Variants in ABCB1 observed in about 807,000 individuals in gnomAD.
ABCB1 encodes ATP-dependent translocase ABCB1.
Under a neutral mutation model 142.0 loss-of-function variants are expected in ABCB1, and 69 were observed. The ratio of observed to expected loss-of-function variants is 0.49; its 90% CI spans 0.40 to 0.59. ABCB1 has a LOEUF of 0.59. Ranked by LOEUF, ABCB1 falls within the 20% of genes least tolerant of loss-of-function variation. ABCB1 has a pLI of 0.00. For synonymous variants in ABCB1, 532 were observed against 539.2 expected (o/e 0.99, Z 0.18); for missense variants, 1,326 against 1,554.7 (o/e 0.85, Z 2.47).
intron 1 of ABCB1, among the ~76,000 whole-genome samples, chr7:87,609,244 G>A (rs771120653): frequency 6.6e-6 from 1 of 152,118 alleles, no homozygotes; most frequent in African/African-American, 2.4e-5. Context: ...GAGCCAAGAC[G>A]GGATAGAGCA....
intron 1 of ABCB1, among the ~76,000 whole-genome samples, chr7:87,676,454 A>T (rs1028012108): frequency 2.0e-5 from 3 of 151,542 alleles, no homozygotes; most frequent in African/African-American, 4.8e-5. Flanking sequence ...TAATTCCATC[A>T]CTTTGGGAGG....
intron 4 of ABCB1, among the ~76,000 whole-genome samples, chr7:87,582,899 A>C (rs1464565724): frequency 6.6e-6 from 1 of 152,192 alleles, no homozygotes; most frequent in Admixed American, 6.5e-5. Context: ...AAATTAGCCC[A>C]GGGGTCATAG....
intron 1 of ABCB1, among the ~76,000 whole-genome samples, chr7:87,626,931 A>C (rs1820697543): frequency 1.3e-5 from 2 of 151,878 alleles, no homozygotes; most frequent in South Asian, 4.2e-4. Context: ...GCGTGCCACC[A>C]CACCCGGCTA....
At chr7:87,581,026 T>C (rs1191551982) in intron 4 of ABCB1, among the ~76,000 whole-genome samples, 1 of 151,906 alleles carries the variant, frequency 6.6e-6, no homozygotes, top group African/African-American at 2.4e-5. Context: ...TTGTTCAATT[T>C]GGTGTTCCTG....
intron 25 of ABCB1, among the ~76,000 whole-genome samples, chr7:87,512,509 T>C (rs1466715197): frequency 6.6e-6 from 1 of 152,234 alleles, no homozygotes; most frequent in Non-Finnish European, 1.5e-5. Flanking sequence ...TTCAGGTCAA[T>C]GTTTTTCAAC....
rs78965691 is a variant in ABCB1 at position 87,669,931 on chromosome 7, G to A, written c.-331+43230C>T. On this transcript the variant is annotated intron_variant, in intron 1 of 28. Coordinates refer to the ABCB1 transcript ENST00000265724. The stretch of plus-strand genomic sequence containing the variant: ...TTTCTTTCATTTTAACCTTGGAATA[G>A]CTGATGACATGTGTTTTGGGGGTGA... Among the ~76,000 whole-genome samples the A allele has an allele frequency of 2.4e-3, 369 of 152,248 alleles. 1 individual carries two copies. The highest frequency in any genetic ancestry group is 8.3e-3 in the African/African-American group (343 of 41,554).
At chr7:87,614,861 C>T (rs1437992712) in intron 1 of ABCB1, among the ~76,000 whole-genome samples, 3 of 151,338 alleles carry the variant, frequency 2.0e-5, no homozygotes, top group Non-Finnish European at 4.4e-5. Context: ...TGGGGGGGGC[C>T]GGGGAACGGA....
At chr7:87,634,806 G>A (rs1821600079) in intron 1 of ABCB1, among the ~76,000 whole-genome samples, 1 of 152,128 alleles carries the variant, frequency 6.6e-6, no homozygotes, top group Non-Finnish European at 1.5e-5. Context: ...TTGAGTTTGA[G>A]TTTGGATTCA....
At chr7:87,651,023 C>T in intron 1 of ABCB1, 2 of 725,796 alleles carry the variant, frequency 2.8e-6, no homozygotes, top group Non-Finnish European at 4.7e-6. Flanking sequence ...GTCTGTGTGA[C>T]TTAGATAGCC....
chr7:87,710,781 A>G, intron 1 of ABCB1: 1 of 523,432 alleles, frequency 1.9e-6, no homozygotes. Flanking sequence ...TTTTGTTACT[A>G]CTCAGATAAA....
intron 1 of ABCB1, among the ~76,000 whole-genome samples, chr7:87,684,943 A>G (rs371782242): frequency 1.3e-4 from 20 of 151,236 alleles, no homozygotes; most frequent in Non-Finnish European, 2.2e-4. Context: ...CTTACCTCAC[A>G]TTTAGCTCAA....
At chr7:87,647,650 C>G (rs1314035961) in intron 1 of ABCB1, among the ~76,000 whole-genome samples, 1 of 152,220 alleles carries the variant, frequency 6.6e-6, no homozygotes, top group East Asian at 1.9e-4. Flanking sequence ...CCTACAATAA[C>G]GTGGTTTCAA....
In ABCB1 at chr7:87,585,532, A is replaced by T. The variant is rs35810889; in HGVS notation, c.266T>A (p.Met89Lys). 1 of 1,613,706 alleles carries T rather than the reference A, an allele frequency of 6.2e-7. No individual in the cohort carries two copies. The highest frequency in any genetic ancestry group is 2.2e-5 in the East Asian group (1 of 44,890). Residue 89 changes from methionine (M) to lysine (K), a missense_variant, in exon 4 of 28, where the codon ATG becomes AAG. Met to Lys is a moderately conservative substitution (Grantham distance 95, BLOSUM62 -1). Coordinates refer to ENST00000622132, the MANE Select transcript of ABCB1 (RefSeq NM_001348946.2). ...CTTACTTCTATTAGTGATGTTTGACATCAGATCTTCTAAATTTCCTGCATT... is the reference window on the plus strand; with the variant it reads ...CTTACTTCTATTAGTGATGTTTGACTTCAGATCTTCTAAATTTCCTGCATT... ...FANAGNLEDL[M>K]SNITNRSDIN...
intron 8 of ABCB1, among the ~76,000 whole-genome samples, chr7:87,555,146 T>A (rs1441335627): frequency 7.2e-5 from 11 of 152,138 alleles, no homozygotes; most frequent in Non-Finnish European, 4.4e-5. Context: ...GCTATGGAGA[T>A]AAGCTAATGG....
chr7:87,641,451 A>G (rs1822443868), intron 1 of ABCB1, among the ~76,000 whole-genome samples: 1 of 152,188 alleles, frequency 6.6e-6, no homozygotes, highest in Admixed American at 6.5e-5. Context: ...AACAACCTAC[A>G]GTTTGCTCCT....
chr7:87,576,107 A>G (rs1818264408), intron 4 of ABCB1, among the ~76,000 whole-genome samples: 1 of 151,944 alleles, frequency 6.6e-6, no homozygotes, highest in Non-Finnish European at 1.5e-5. Context: ...TTATTTATTC[A>G]TCCAATTTCT....
chr7:87,544,778 C>G (rs574878254), intron 16 of ABCB1, 45 bp downstream of exon 16: 2 of 1,606,974 alleles, frequency 1.2e-6, no homozygotes, highest in African/African-American at 2.7e-5. Flanking sequence ...AACTAGGGAA[C>G]CACAGTTAGT....
chr7:87,632,050 T>C (rs28381764), intron 1 of ABCB1, among the ~76,000 whole-genome samples: 2 of 152,272 alleles, frequency 1.3e-5, no homozygotes, highest in East Asian at 3.9e-4. Flanking sequence ...TATTTTGGAC[T>C]GTGCCTTTGA....
chr7:87,520,920 A>T, intron 21 of ABCB1, 44 bp from the exon 22 acceptor site: 2 of 1,404,138 alleles, frequency 1.4e-6, no homozygotes, highest in Non-Finnish European at 2.0e-6. Flanking sequence ...AAGAGTAAAT[A>T]GTGGTGATTA....
Sources: gnomAD v4.1 joint callset for allele counts (sites outside exome capture counted in the v4.1 genomes callset) on GRCh38, gnomAD v4.1.1 for gene constraint, MANE v1.5 for transcripts, NCBI Gene and HGNC (gene_info 2026-07-23, HGNC 2026-07-21) for gene names.